ITGA6: variants seen among roughly 807,000 people sequenced by gnomAD.
The protein encoded by ITGA6 is integrin subunit alpha 6, also known as integrin alpha-6.
In ITGA6, 63 loss-of-function variants were observed where a neutral mutation model predicts 133.6. That is an observed-to-expected ratio of 0.47 (90% CI 0.38 to 0.58). The LOEUF (loss-of-function observed/expected upper bound fraction) is 0.58, where lower values mean the gene tolerates loss of function less well. ITGA6 is among the 20% of genes least tolerant of loss of function. ITGA6 has a pLI of 0.00. For synonymous variants in ITGA6, 434 were observed against 482.0 expected (o/e 0.90, Z 1.30); for missense variants, 1,068 against 1,309.4 (o/e 0.82, Z 2.85).
At chr2:172,475,242 C>T (rs1357634867) in intron 7 of ITGA6, 120 bp downstream of exon 7, 18 of 743,624 alleles carry the variant, frequency 2.4e-5, no homozygotes, top group East Asian at 1.3e-4. Context: ...CTGAGGTGGG[C>T]GGATCACCTG....
At position 172,465,643 on chromosome 2, in the gene ITGA6, G is replaced by C; in HGVS notation, c.287G>C (p.Arg96Pro). 1 of 1,614,212 alleles carries C rather than the reference G, an allele frequency of 6.2e-7. No homozygotes were observed. Among genetic ancestry groups the C allele is most frequent in the Non-Finnish European group, 8.5e-7 (1 of 1,180,030 alleles). The change falls in exon 2 of 26, where the codon CGG becomes CCG. Residue 96 changes from arginine (R) to proline (P), a missense_variant. By Grantham distance (103) the Arg-to-Pro change is moderately radical. Coordinates refer to ENST00000684293, the MANE Select transcript of ITGA6 (RefSeq NM_000210.4). ...ATCACCGCCCGGGGGCCATGCACGC[G>C]GATCGAGTTTGATAACGATGGTGCG... ...CDITARGPCT[R>P]IEFDNDADPT...
intron 19 of ITGA6, 40 bp from the exon 20 acceptor site, chr2:172,489,445 A>G (rs1489603314): frequency 2.7e-6 from 4 of 1,477,490 alleles, no homozygotes; most frequent in South Asian, 1.1e-5. Context: ...ATTTACATTG[A>G]GAAGATTAGA....
chr2:172,439,873 T>G (rs1684470490), intron 1 of ITGA6, among the ~76,000 whole-genome samples: 1 of 152,182 alleles, frequency 6.6e-6, no homozygotes, highest in South Asian at 2.1e-4. Flanking sequence ...TAGCCCATTC[T>G]TGGAGTTAAA....
intron 1 of ITGA6, chr2:172,428,337 T>G (rs1210715166): frequency 6.5e-6 from 1 of 153,760 alleles, no homozygotes; most frequent in Non-Finnish European, 1.4e-5. Flanking sequence ...GGGGCTGGGG[T>G]GGCGTTCAGG....
intron 2 of ITGA6, among the ~76,000 whole-genome samples, chr2:172,466,211 G>A (rs1192050769): frequency 6.6e-6 from 1 of 152,210 alleles, no homozygotes; most frequent in Non-Finnish European, 1.5e-5. Context: ...TGTAGGTTGA[G>A]CAGAGCAATT....
rs1227652725 is a variant in ITGA6 at position 172,487,183 on chromosome 2, T to C, written c.1970+45T>C. 6 of 1,513,852 alleles carry C rather than the reference T, an allele frequency of 4.0e-6. No individual in the cohort carries two copies. The Admixed American group carries it at 5.0e-5, about 13-fold the overall frequency. The allele number at this position is 1,513,852 out of a possible 1,614,324, so 93.8% of individuals were successfully genotyped here. ...ACTAGCAAAAATGATTCTGGCTTCA[T>C]GGTGGCTTTGTGTTAAGAAAGTTTA... On this transcript the variant is annotated intron_variant, in intron 14 of 25. Coordinates refer to ENST00000684293, the MANE Select transcript of ITGA6 (RefSeq NM_000210.4).
rs773655560 is a variant in ITGA6 at position 172,487,095 on chromosome 2, T to G, written c.1927T>G (p.Cys643Gly). The G allele has an allele frequency of 1.4e-5, 23 of 1,612,782 alleles. No homozygotes were observed. Among genetic ancestry groups the G allele is most frequent in the South Asian group, 1.3e-4 (12 of 91,056 alleles). ...CAACCTTAAACTAGAATATAAATTTTGCACCCGAGAAGGAAATCAAGACAA... is the reference window on the plus strand; with the variant it reads ...CAACCTTAAACTAGAATATAAATTTGGCACCCGAGAAGGAAATCAAGACAA... ...NSNLKLEYKF[C>G]TREGNQDKFS... The change falls in exon 14 of 26, where the codon TGC becomes GGC. Residue 643 changes from cysteine (C) to glycine (G), a missense_variant. Transcript: ENST00000684293.
chr2:172,457,567 A>G (rs777842012), intron 1 of ITGA6, among the ~76,000 whole-genome samples: 10 of 152,222 alleles, frequency 6.6e-5, no homozygotes, highest in Non-Finnish European at 1.3e-4. Context: ...TATAAATTTA[A>G]ACGATCAAAT....
intron 1 of ITGA6, among the ~76,000 whole-genome samples, chr2:172,446,261 CTCT>C (rs1357645699): frequency 6.6e-6 from 1 of 152,160 alleles, no homozygotes; most frequent in African/African-American, 2.4e-5. Context: ...TCTATCTTTT[CTCT>C]TCTTGTTTTT....
intron 1 of ITGA6, among the ~76,000 whole-genome samples, chr2:172,433,102 A>G (rs1398010262): frequency 6.6e-6 from 1 of 152,162 alleles, no homozygotes; most frequent in East Asian, 1.9e-4. Flanking sequence ...GGTAAAGATT[A>G]CGTACTGCAG....
Position 172,469,233 on chromosome 2 carries a change from G to A in ITGA6, c.496G>A (p.Asp166Asn), listed in dbSNP as rs1374169695. 4 of 1,614,052 alleles carry A rather than the reference G, an allele frequency of 2.5e-6. No homozygotes were observed. The highest frequency in any genetic ancestry group is 1.1e-5 in the South Asian group (1 of 91,074). Reference protein sequence around the residue: ...VLSQNLRIEDDMDGGDWSFCD... With the variant: ...VLSQNLRIEDNMDGGDWSFCD... ...GAGTCAGAATCTCAGGATTGAAGAC[G>A]ATATGGATGGGGGAGATTGGAGCTT... The change falls in exon 4 of 26, where the codon GAT (aspartate) becomes AAT (asparagine). Residue 166 changes from aspartate to asparagine, a missense_variant. Physicochemically the swap from Asp to Asn is conservative, Grantham distance 23. Around this residue, in one of 3 missense-constraint regions of ITGA6, gnomAD observed 317 missense variants for 456.9 expected, o/e 0.69. Transcript: ENST00000684293.
intron 23 of ITGA6, among the ~76,000 whole-genome samples, chr2:172,492,042 T>G (rs1476639084): frequency 6.6e-6 from 1 of 152,186 alleles, no homozygotes; most frequent in Non-Finnish European, 1.5e-5. Flanking sequence ...TTTCTTATTC[T>G]TCTCAGAGCT....
chr2:172,461,947 CTTAT>C (rs772279139), intron 1 of ITGA6, among the ~76,000 whole-genome samples: 4 of 152,158 alleles, frequency 2.6e-5, no homozygotes, highest in African/African-American at 4.8e-5. Flanking sequence ...CTCTATTTAC[CTTAT>C]TTATTGTTCC....
At chr2:172,435,389 GGTGATGGCCTCTTACTGGCAGT>G (rs1684272729) in intron 1 of ITGA6, among the ~76,000 whole-genome samples, 1 of 152,042 alleles carries the variant, frequency 6.6e-6, no homozygotes, top group African/African-American at 2.4e-5. Context: ...ATATCTTGCG[GGTGATGGCCTCTTACTGGCAGT>G]GTGATTATGT....
chr2:172,451,094 G>T (rs1178651951), intron 1 of ITGA6, among the ~76,000 whole-genome samples: 2 of 151,426 alleles, frequency 1.3e-5, no homozygotes, highest in Non-Finnish European at 2.9e-5. Context: ...GGCGGAGGGT[G>T]CCGTAAGCCA....
At chr2:172,436,735 A>G (rs1365954037) in intron 1 of ITGA6, among the ~76,000 whole-genome samples, 3 of 152,206 alleles carry the variant, frequency 2.0e-5, no homozygotes, top group African/African-American at 7.2e-5. Flanking sequence ...TGTTCATTCA[A>G]CAGATATTCA....
intron 9 of ITGA6, among the ~76,000 whole-genome samples, chr2:172,478,012 TTGTG>T (rs1686251974): frequency 6.6e-6 from 1 of 152,118 alleles, no homozygotes; most frequent in Admixed American, 6.6e-5. Context: ...GCCCTCAAAA[TTGTG>T]TGTTGTATGT....
At chr2:172,432,129 CAG>C (rs1224513868) in intron 1 of ITGA6, among the ~76,000 whole-genome samples, 1 of 152,154 alleles carries the variant, frequency 6.6e-6, no homozygotes, top group Non-Finnish European at 1.5e-5. Flanking sequence ...TGAGACAAAA[CAG>C]AAAATACTGT....
intron 1 of ITGA6, among the ~76,000 whole-genome samples, chr2:172,435,616 CTTTTTTTTTTTTTTT>C (rs58005683): frequency 1.2e-5 from 1 of 82,250 alleles, no homozygotes; most frequent in Non-Finnish European, 2.2e-5. Context: ...AGTTTTGTTT[CTTTTTTTTTTTTTTT>C]TTTTTTTTTG....
Sources: allele counts gnomAD v4.1 joint callset (sites outside exome capture counted in the v4.1 genomes callset), GRCh38; gene constraint gnomAD v4.1.1; regional missense constraint gnomAD v4.1.1; transcripts MANE v1.5; gene names NCBI Gene and HGNC (gene_info 2026-07-23, HGNC 2026-07-21).